ANKRD44: variants seen among roughly 807,000 people sequenced by gnomAD.
The protein encoded by ANKRD44 is serine/threonine-protein phosphatase 6 regulatory ankyrin repeat subunit B.
In ANKRD44, 35 loss-of-function variants were observed where a neutral mutation model predicts 116.0. That is an observed-to-expected ratio of 0.30 (90% CI 0.23 to 0.40). ANKRD44 has a LOEUF of 0.40. ANKRD44 is among the 10% of genes least tolerant of loss of function. The pLI, the probability that ANKRD44 is intolerant of heterozygous loss-of-function variation, is 1.00. For missense variants in ANKRD44, 1,014 were observed against 1,242.6 expected, an observed-to-expected ratio of 0.82 and a Z score of 2.77; for synonymous variants, 435 against 461.8, an observed-to-expected ratio of 0.94 and a Z score of 0.74.
At chr2:197,034,050 T>TAGAGAGAG (rs60018972) in intron 16 of ANKRD44, among the ~76,000 whole-genome samples, 6,658 of 110,520 alleles carry the variant, frequency 0.06, 423 homozygotes, top group Middle Eastern at 0.091. Flanking sequence ...ATATGAGGGC[T>TAGAGAGAG]AGAGAGAGAG....
At chr2:197,216,227 T>A (rs542181926) in intron 1 of ANKRD44, among the ~76,000 whole-genome samples, 5 of 152,338 alleles carry the variant, frequency 3.3e-5, no homozygotes, top group Middle Eastern at 3.4e-3. Flanking sequence ...AGTGTCCTAA[T>A]GTGGAAGTAA....
intron 17 of ANKRD44, among the ~76,000 whole-genome samples, chr2:197,017,792 C>CAGTT (rs1389366911): frequency 1.1e-4 from 17 of 152,354 alleles, no homozygotes; most frequent in African/African-American, 4.1e-4. Context: ...CCAAACCTTA[C>CAGTT]AGTTGTCTTT....
At chr2:197,052,165 A>C (rs1234327479) in intron 16 of ANKRD44, among the ~76,000 whole-genome samples, 2 of 152,184 alleles carry the variant, frequency 1.3e-5, no homozygotes, top group Non-Finnish European at 2.9e-5. Flanking sequence ...GAATAGTGTA[A>C]CCATCAACTT....
chr2:197,086,671 A>C lies in ANKRD44; in HGVS notation c.1316+9T>G. 6.2e-7 allele frequency: 1 copy of C among 1,613,594 alleles called. No homozygotes were observed. The highest frequency in any genetic ancestry group is 8.5e-7 in the Non-Finnish European group (1 of 1,179,570). On this transcript the variant is annotated intron_variant, in intron 13 of 27. Coordinates refer to ENST00000282272, the MANE Select transcript of ANKRD44 (RefSeq NM_001195144.2). ...TAAGCACTTGAAGCACAACTCTCTG[A>C]TTACATACCTCCCACACTTGTCCTT...
intron 9 of ANKRD44, among the ~76,000 whole-genome samples, chr2:197,106,811 T>G (rs868567312): frequency 3.6e-5 from 5 of 140,394 alleles, no homozygotes; most frequent in African/African-American, 1.3e-4. Context: ...TATATATTTT[T>G]TTTTTTTTTT....
In ANKRD44 at chr2:197,202,479, C is replaced by A. The variant is rs2081114146; in HGVS notation, c.28-15373G>T. Among the ~76,000 whole-genome samples the A allele has an allele frequency of 2.0e-5, 3 of 152,124 alleles. No homozygotes were observed. In the South Asian group the frequency reaches 6.2e-4, roughly 32 times the overall value. On this transcript the variant is annotated intron_variant, in intron 1 of 27. Transcript: ENST00000282272. Reference sequence around the variant, plus strand: ...CTGCCAGAAGAGCTAGACGACCAAGCTTGATGCACACAGCAGGGGAAGTAG... The same window carrying A: ...CTGCCAGAAGAGCTAGACGACCAAGATTGATGCACACAGCAGGGGAAGTAG...
chr2:196,994,346 T>C (rs2075973436), intron 26 of ANKRD44, among the ~76,000 whole-genome samples: 1 of 151,510 alleles, frequency 6.6e-6, no homozygotes, highest in Admixed American at 6.6e-5. Context: ...CCACTGTGGC[T>C]GGCTAATTTT....
At chr2:197,241,973 C>T (rs1458742117) in intron 1 of ANKRD44, among the ~76,000 whole-genome samples, 1 of 152,030 alleles carries the variant, frequency 6.6e-6, no homozygotes, top group Middle Eastern at 3.2e-3. Flanking sequence ...AAAAAATCTC[C>T]CTTTAGGTTT....
At chr2:197,231,140 G>C (rs1471624735) in intron 1 of ANKRD44, among the ~76,000 whole-genome samples, 1 of 152,174 alleles carries the variant, frequency 6.6e-6, no homozygotes, top group Admixed American at 6.5e-5. Context: ...ATCAATCTGA[G>C]GGCTGGGCGT....
chr2:197,254,747 T>A (rs1416774827), intron 1 of ANKRD44, among the ~76,000 whole-genome samples: 1 of 144,960 alleles, frequency 6.9e-6, no homozygotes, highest in African/African-American at 2.6e-5. Context: ...TAGACACACA[T>A]ACATACACAC....
chr2:197,159,227 C>A (rs2079897977), intron 2 of ANKRD44, among the ~76,000 whole-genome samples: 1 of 152,140 alleles, frequency 6.6e-6, no homozygotes, highest in Non-Finnish European at 1.5e-5. Context: ...ATTAGTAGTT[C>A]TTTCCAAGTT....
At chr2:197,060,908 T>G (rs2077298379) in intron 16 of ANKRD44, among the ~76,000 whole-genome samples, 1 of 152,340 alleles carries the variant, frequency 6.6e-6, no homozygotes, top group African/African-American at 2.4e-5. Flanking sequence ...TCTCTGTGTG[T>G]GTACCGCAGT....
intron 1 of ANKRD44, among the ~76,000 whole-genome samples, chr2:197,239,349 A>C (rs942822929): frequency 3.3e-5 from 5 of 152,082 alleles, no homozygotes; most frequent in African/African-American, 1.2e-4. Flanking sequence ...CTCCAACCTC[A>C]GCCTTCCAAG....
intron 3 of ANKRD44, 128 bp downstream of exon 3, chr2:197,146,899 G>T: frequency 3.3e-6 from 2 of 611,182 alleles, no homozygotes; most frequent in Non-Finnish European, 5.5e-6. Context: ...TGATAAAATC[G>T]CCTATCACAT....
intron 1 of ANKRD44, among the ~76,000 whole-genome samples, chr2:197,289,823 G>A (rs1429419): frequency 0.63 from 96,367 of 151,902 alleles, 30,919 homozygotes; most frequent in East Asian, 0.71. Context: ...TGTCATTAAA[G>A]TGGATGCATG....
intron 1 of ANKRD44, among the ~76,000 whole-genome samples, chr2:197,209,534 C>T (rs1400372149): frequency 1.3e-5 from 2 of 152,198 alleles, no homozygotes; most frequent in Non-Finnish European, 2.9e-5. Context: ...ATAAGCACAA[C>T]CTTAGACTCT....
At chr2:197,299,484 T>C (rs1274241779) in intron 1 of ANKRD44, 9 of 152,194 alleles carry the variant, frequency 5.9e-5, no homozygotes, top group Non-Finnish European at 1.2e-4. Flanking sequence ...ATACATACCA[T>C]GGAATACTAC....
chr2:197,288,831 T>C (rs2083479345), intron 1 of ANKRD44, among the ~76,000 whole-genome samples: 2 of 152,162 alleles, frequency 1.3e-5, no homozygotes, highest in South Asian at 4.1e-4. Flanking sequence ...CTCATTCACA[T>C]ATGGGAGCTA....
chr2:197,263,923 TA>T (rs2105743711), intron 1 of ANKRD44, among the ~76,000 whole-genome samples: 1 of 146,208 alleles, frequency 6.8e-6, no homozygotes, highest in Admixed American at 7.0e-5. Context: ...GCTAACGGAA[TA>T]AGATGTTTTC....
Sources: allele counts gnomAD v4.1 joint callset (sites outside exome capture counted in the v4.1 genomes callset), GRCh38; gene constraint gnomAD v4.1.1; transcripts MANE v1.5; gene names NCBI Gene and HGNC (gene_info 2026-07-23, HGNC 2026-07-21).